The following PAX5 variants were observed in gnomAD, a reference collection of about 807,000 sequenced individuals.
The protein encoded by PAX5 is paired box 5, also known as paired box protein Pax-5.
PAX5 carries 9 observed loss-of-function variants against 43.7 expected under a neutral mutation model. That is an observed-to-expected ratio of 0.21 (90% CI 0.12 to 0.36). The LOEUF is 0.36. PAX5 is among the 10% of genes least tolerant of loss of function. The pLI is 1.00. For synonymous variants in PAX5, 228 were observed against 214.3 expected, an observed-to-expected ratio of 1.06 and a Z score of -0.56; for missense variants, 383 against 532.7, an observed-to-expected ratio of 0.72 and a Z score of 2.77.
rs554492297 is a variant in PAX5 at position 36,988,040 on chromosome 9, G to A, written c.604+14608C>T. ...GAGCGAGAAGATGAAGAAGGAGGGA[G>A]GGGGAGCGGCGGGGAGCGGGGGAGG... On this transcript the variant is annotated intron_variant, in intron 5 of 9. Transcript: ENST00000358127. Among the ~76,000 whole-genome samples the A allele has an allele frequency of 9.2e-5, 14 of 152,304 alleles. No homozygotes were observed. The South Asian group carries it at 2.5e-3, about 27-fold the overall frequency.
chr9:36,874,156 T>C (rs935756920), intron 8 of PAX5, among the ~76,000 whole-genome samples: 2 of 152,134 alleles, frequency 1.3e-5, no homozygotes, highest in African/African-American at 4.8e-5. Flanking sequence ...AGGCGGTGTC[T>C]CCGTAACTAC....
At chr9:36,867,210 T>C (rs575559252) in intron 8 of PAX5, among the ~76,000 whole-genome samples, 1 of 152,284 alleles carries the variant, frequency 6.6e-6, no homozygotes, top group Admixed American at 6.5e-5. Context: ...AAGCTATTCA[T>C]TCACAAAGGT....
chr9:37,018,594 G>C (rs913347732), intron 2 of PAX5, among the ~76,000 whole-genome samples: 9 of 53,658 alleles, frequency 1.7e-4, no homozygotes, highest in African/African-American at 3.9e-4. Flanking sequence ...AAAAATCTGT[G>C]GATTGAACGG....
At position 36,912,905 on chromosome 9, in the gene PAX5, T is replaced by C. The variant is rs1025013624; in HGVS notation, c.910+10450A>G. Among the ~76,000 whole-genome samples the C allele has an allele frequency of 2.0e-5, 3 of 152,322 alleles. No homozygotes were observed. In the South Asian group the frequency reaches 6.2e-4, roughly 32 times the overall value. On this transcript the variant is annotated intron_variant, in intron 7 of 9. Coordinates refer to ENST00000358127, the MANE Select transcript of PAX5 (RefSeq NM_016734.3). Reference sequence around the variant, plus strand: ...GGGCAGAATTACCACCCCTATTTCATAGATAGGGAAATGAGCTTGGAGAGA... The same window carrying C: ...GGGCAGAATTACCACCCCTATTTCACAGATAGGGAAATGAGCTTGGAGAGA...
At chr9:36,901,780 C>T (rs954804564) in intron 7 of PAX5, among the ~76,000 whole-genome samples, 51 of 152,326 alleles carry the variant, frequency 3.3e-4, no homozygotes, top group African/African-American at 1.2e-3. Context: ...CATCGCCTTG[C>T]TGAGCCTCAG....
intron 5 of PAX5, among the ~76,000 whole-genome samples, chr9:36,967,195 T>C (rs1412142626): frequency 6.6e-6 from 1 of 152,180 alleles, no homozygotes; most frequent in Non-Finnish European, 1.5e-5. Flanking sequence ...CCACATCATG[T>C]GACCGGTCAG....
Position 36,973,083 on chromosome 9 carries a change from CGGAA to C in PAX5, c.605-6363_605-6360del, listed in dbSNP as rs1835072061. The stretch of plus-strand genomic sequence containing the variant: ...AGGAAAGGAAAGGAACGGAACGGAA[CGGAA>C]AGGAAAGGAAAGGAAAGGAAAGGAA... On this transcript the variant is annotated intron_variant, in intron 5 of 9. Coordinates refer to ENST00000358127, the MANE Select transcript of PAX5 (RefSeq NM_016734.3). Among the ~76,000 whole-genome samples, 3 of 74,518 alleles carry C rather than the reference CGGAA, an allele frequency of 4.0e-5. 1 individual carries two copies. The highest frequency in any genetic ancestry group is 2.5e-4 in the Admixed American group (2 of 8,100). The allele number at this position is 74,518 out of a possible 152,430, so 48.9% of individuals were successfully genotyped here. A position where few individuals can be genotyped will look rare whatever the true frequency, so the allele number is the denominator to read the frequency against.
chr9:36,972,347 C>CT (rs1834984547), intron 5 of PAX5, among the ~76,000 whole-genome samples: 1 of 152,234 alleles, frequency 6.6e-6, no homozygotes, highest in Non-Finnish European at 1.5e-5. Flanking sequence ...TCTGCTGTTA[C>CT]TTGCTGTGTG....
chr9:36,960,909 G>A (rs527544387), intron 6 of PAX5, among the ~76,000 whole-genome samples: 26 of 152,202 alleles, frequency 1.7e-4, no homozygotes, highest in Admixed American at 4.6e-4. Flanking sequence ...CTATTGCCAC[G>A]GGGCTGCATT....
intron 5 of PAX5, among the ~76,000 whole-genome samples, chr9:36,973,346 G>A (rs564591860): frequency 6.6e-6 from 1 of 152,248 alleles, no homozygotes; most frequent in South Asian, 2.1e-4. Flanking sequence ...CCTCCCTTGT[G>A]AAGATGGGGG....
At chr9:36,993,138 C>T (rs1335400336) in intron 5 of PAX5, among the ~76,000 whole-genome samples, 1 of 152,216 alleles carries the variant, frequency 6.6e-6, no homozygotes, top group Admixed American at 6.5e-5. Context: ...GTGAATACAG[C>T]AGCAGCTATG....
At chr9:36,843,083 TGTGTGTGTGC>T (rs1370226589) in intron 9 of PAX5, among the ~76,000 whole-genome samples, 4 of 150,488 alleles carry the variant, frequency 2.7e-5, no homozygotes, top group African/African-American at 9.7e-5. Flanking sequence ...TGTGTGCCTG[TGTGTGTGTGC>T]GTGTGTGTGT....
chr9:36,873,316 G>C (rs543840790), intron 8 of PAX5, among the ~76,000 whole-genome samples: 5 of 152,182 alleles, frequency 3.3e-5, no homozygotes, highest in Non-Finnish European at 7.3e-5. Flanking sequence ...TCCACCCCTA[G>C]CCCACAATTG....
intron 8 of PAX5, among the ~76,000 whole-genome samples, chr9:36,871,624 A>G (rs1403198160): frequency 1.3e-5 from 2 of 152,208 alleles, no homozygotes; most frequent in Non-Finnish European, 2.9e-5. Context: ...AAGAAACACC[A>G]TTAGTAGAAG....
intron 6 of PAX5, among the ~76,000 whole-genome samples, chr9:36,962,006 G>A (rs1286423937): frequency 6.6e-6 from 1 of 152,202 alleles, no homozygotes; most frequent in Non-Finnish European, 1.5e-5. Context: ...AGGGCAAAGC[G>A]TTTACTACAT....
intron 2 of PAX5, among the ~76,000 whole-genome samples, chr9:37,016,362 T>C (rs1839381142): frequency 6.6e-6 from 1 of 152,218 alleles, no homozygotes; most frequent in African/African-American, 2.4e-5. Flanking sequence ...AAAATATCTG[T>C]TGTAAGTCAA....
At chr9:36,870,006 AAATG>A (rs1563915028) in intron 8 of PAX5, among the ~76,000 whole-genome samples, 1 of 26,960 alleles carries the variant, frequency 3.7e-5, no homozygotes. Context: ...ATGGATGGAT[AAATG>A]GATGGATGGA....
chr9:37,006,446 T>A lies in PAX5; in HGVS notation c.475+27A>T, dbSNP rs748571355. 8.3e-6 allele frequency: 13 copies of A among 1,571,852 alleles called. No individual in the cohort carries two copies. In the African/African-American group the frequency reaches 1.8e-4, roughly 21 times the overall value. ...GAATATTTGGAGCCCATTAGATTTT[T>A]AAATTTTTTTTAAAAGTTCCTCTTA... On this transcript the variant is annotated intron_variant, in intron 4 of 9. Coordinates refer to ENST00000358127, the MANE Select transcript of PAX5 (RefSeq NM_016734.3).
At position 36,873,224 on chromosome 9, in the gene PAX5, AC is replaced by A. The variant is rs1471451601; in HGVS notation, c.1012+8779del. On this transcript the variant is annotated intron_variant, in intron 8 of 9. Coordinates refer to ENST00000358127, the MANE Select transcript of PAX5 (RefSeq NM_016734.3). ...ATAGATTCCTAGGTCTTAGCTCTTA[AC>A]ATTAGCACATCAGGATTTTTTTATA... 5.3e-5 allele frequency among the ~76,000 whole-genome samples: 8 copies of A among 152,332 alleles called. No homozygotes were observed. In the East Asian group the frequency reaches 9.6e-4, roughly 18 times the overall value.
Sources: allele counts gnomAD v4.1 joint callset (sites outside exome capture counted in the v4.1 genomes callset), GRCh38; gene constraint gnomAD v4.1.1; transcripts MANE v1.5; gene names NCBI Gene and HGNC (gene_info 2026-07-23, HGNC 2026-07-21).